RAB30: variants seen among roughly 807,000 people sequenced by gnomAD.
RAB30 encodes RAB30, member RAS oncogene family.
A neutral mutation model predicts 25.1 loss-of-function variants in RAB30; 9 were observed. The observed-to-expected ratio is 0.36, with a 90% CI of 0.22 to 0.63. The LOEUF (loss-of-function observed/expected upper bound fraction) is 0.63. Ranked by LOEUF, RAB30 falls within the 20% of genes least tolerant of loss-of-function variation. RAB30 has a pLI of 0.69. For synonymous variants in RAB30, 77 were observed against 86.4 expected, an observed-to-expected ratio of 0.89 and a Z score of 0.60; for missense variants, 140 against 243.5, an observed-to-expected ratio of 0.58 and a Z score of 2.83.
At chr11:83,014,632 GAAA>G (rs1159614855) in intron 1 of RAB30, among the ~76,000 whole-genome samples, 6 of 63,720 alleles carry the variant, frequency 9.4e-5, no homozygotes, top group Non-Finnish European at 1.6e-4. Context: ...AAAGAAGTAA[GAAA>G]AAGAAAGAAA....
At chr11:83,064,533 G>A (rs1262416740) in intron 1 of RAB30, among the ~76,000 whole-genome samples, 1 of 152,180 alleles carries the variant, frequency 6.6e-6, no homozygotes, top group Non-Finnish European at 1.5e-5. Context: ...CACACATAGA[G>A]TGCCAGCTGT....
chr11:82,978,795 C>A lies in RAB30; in HGVS notation c.*3370G>T, dbSNP rs1856590046. ...CTTTGCTAAATCTGGCGTCTCTGGCCAAATCTAAACGGCTTAAATAATCCT... is the reference window on the plus strand; with the variant it reads ...CTTTGCTAAATCTGGCGTCTCTGGCAAAATCTAAACGGCTTAAATAATCCT... On this transcript the variant is annotated 3_prime_UTR_variant, in exon 5 of 5. Coordinates refer to ENST00000527633, the MANE Select transcript of RAB30 (RefSeq NM_001286060.2). 6.6e-6 allele frequency: 1 copy of A among 152,152 alleles called. No homozygotes were observed. Among genetic ancestry groups the A allele is most frequent in the Non-Finnish European group, 1.5e-5 (1 of 68,034 alleles). The allele number at this position is 152,152 out of a possible 1,614,324, so 9.4% of individuals were successfully genotyped here. A position where few individuals can be genotyped will look rare whatever the true frequency, so the allele number is the denominator to read the frequency against.
At chr11:83,058,586 C>A (rs890812360) in intron 1 of RAB30, among the ~76,000 whole-genome samples, 2 of 152,250 alleles carry the variant, frequency 1.3e-5, no homozygotes, top group Non-Finnish European at 2.9e-5. Flanking sequence ...GAATGCCACA[C>A]GAGTGATACT....
intron 1 of RAB30, among the ~76,000 whole-genome samples, chr11:83,002,611 G>A (rs1424694371): frequency 6.6e-6 from 1 of 152,170 alleles, no homozygotes; most frequent in Non-Finnish European, 1.5e-5. Context: ...TGTAAGCAAT[G>A]TGAATTTGGC....
At chr11:83,003,635 G>T (rs971377077) in intron 1 of RAB30, among the ~76,000 whole-genome samples, 1 of 151,982 alleles carries the variant, frequency 6.6e-6, no homozygotes, top group African/African-American at 2.4e-5. Flanking sequence ...TGGTCAGACT[G>T]GTCTCAAACT....
chr11:83,053,372 G>A lies in RAB30; in HGVS notation c.-9+18319C>T, dbSNP rs143036682. Among the ~76,000 whole-genome samples, 1,024 of 152,256 alleles carry A rather than the reference G, an allele frequency of 6.7e-3. 4 individuals carry two copies. The highest frequency in any genetic ancestry group is 0.02 in the Middle Eastern group (6 of 294). ...CACAGCTGCTCAATTAATGGTTAGTGCCTAACTTTTGCCCCTCAACCTCCA... is the reference window on the plus strand; with the variant it reads ...CACAGCTGCTCAATTAATGGTTAGTACCTAACTTTTGCCCCTCAACCTCCA... On this transcript the variant is annotated intron_variant, in intron 1 of 4. Transcript: ENST00000527633.
intron 1 of RAB30, among the ~76,000 whole-genome samples, chr11:83,031,630 C>T (rs181660023): frequency 3.3e-5 from 5 of 151,576 alleles, no homozygotes; most frequent in East Asian, 3.9e-4. Flanking sequence ...CGGGTTCAAG[C>T]GATTCTCCTG....
At position 82,982,003 on chromosome 11, in the gene RAB30, G is replaced by T; in HGVS notation, c.*162C>A. 1.1e-6 allele frequency: 1 copy of T among 886,722 alleles called. No homozygotes were observed. The highest frequency in any genetic ancestry group is 1.7e-6 in the Non-Finnish European group (1 of 578,322). 54.9% of individuals were successfully genotyped at this position (886,722 alleles called of 1,614,324 possible). A position where few individuals can be genotyped will look rare whatever the true frequency, so the allele number is the denominator to read the frequency against. ...ACCATTATATGTTCTGCTAATGCTGGCCTGTGGTCGAGGCCCTTGGCCTGC... is the reference window on the plus strand; with the variant it reads ...ACCATTATATGTTCTGCTAATGCTGTCCTGTGGTCGAGGCCCTTGGCCTGC... On this transcript the variant is annotated 3_prime_UTR_variant, in exon 5 of 5. Coordinates refer to ENST00000527633, the MANE Select transcript of RAB30 (RefSeq NM_001286060.2).
intron 1 of RAB30, among the ~76,000 whole-genome samples, chr11:83,042,963 T>C (rs1473536047): frequency 1.3e-5 from 2 of 152,196 alleles, no homozygotes; most frequent in Non-Finnish European, 2.9e-5. Context: ...ACAGTTATAA[T>C]GATTAACATT....
At chr11:83,057,981 G>T (rs1479194642) in intron 1 of RAB30, among the ~76,000 whole-genome samples, 1 of 152,132 alleles carries the variant, frequency 6.6e-6, no homozygotes, top group Non-Finnish European at 1.5e-5. Flanking sequence ...ACCACGCTGA[G>T]ACCTGAGCCT....
Position 82,982,035 on chromosome 11 carries a change from T to G in RAB30, c.*130A>C. On this transcript the variant is annotated 3_prime_UTR_variant, in exon 5 of 5. Transcript: ENST00000527633. ...GTCGAGGCCCTTGGCCTGCCATGCT[T>G]TGTAAGCTCAGGAGCCCACAGGAGT... is the stretch of plus-strand genomic sequence containing the variant. 3 of 1,303,460 alleles carry G rather than the reference T, an allele frequency of 2.3e-6. No homozygotes were observed. Among genetic ancestry groups the G allele is most frequent in the Admixed American group, 4.2e-5 (2 of 47,432 alleles). 80.7% of individuals were successfully genotyped at this position (1,303,460 alleles called of 1,614,324 possible).
At chr11:83,023,280 C>T (rs933247992) in intron 1 of RAB30, among the ~76,000 whole-genome samples, 1 of 152,154 alleles carries the variant, frequency 6.6e-6, no homozygotes, top group African/African-American at 2.4e-5. Context: ...AATCTCATGT[C>T]ACAATCTCCC....
intron 3 of RAB30, among the ~76,000 whole-genome samples, chr11:82,992,696 T>C: frequency 2.0e-5 from 3 of 147,306 alleles, no homozygotes; most frequent in Non-Finnish European, 3.0e-5. Flanking sequence ...TTTCCATCCC[T>C]CCCCCAGCCT....
chr11:83,009,112 A>C (rs1323466914), intron 1 of RAB30, among the ~76,000 whole-genome samples: 1 of 149,934 alleles, frequency 6.7e-6, no homozygotes, highest in Non-Finnish European at 1.5e-5. Context: ...CTCATCACCC[A>C]GGCTGAAGTA....
chr11:83,029,973 G>A (rs1565282968), intron 1 of RAB30, among the ~76,000 whole-genome samples: 1 of 152,186 alleles, frequency 6.6e-6, no homozygotes, highest in Non-Finnish European at 1.5e-5. Flanking sequence ...TCTTACTTAA[G>A]TGGGAACTAA....
At chr11:83,014,010 T>A (rs1441131149) in intron 1 of RAB30, among the ~76,000 whole-genome samples, 1 of 152,194 alleles carries the variant, frequency 6.6e-6, no homozygotes, top group African/African-American at 2.4e-5. Context: ...GCATCTACTA[T>A]GTGCAAGTCA....
At chr11:83,055,065 G>A (rs1171509774) in intron 1 of RAB30, among the ~76,000 whole-genome samples, 2 of 152,124 alleles carry the variant, frequency 1.3e-5, no homozygotes, top group African/African-American at 4.8e-5. Flanking sequence ...GAAAAGTCTT[G>A]CTCCTGCCAC....
At chr11:83,027,812 C>T (rs184334868) in intron 1 of RAB30, among the ~76,000 whole-genome samples, 107 of 152,286 alleles carry the variant, frequency 7.0e-4, no homozygotes, top group African/African-American at 2.5e-3. Flanking sequence ...GCATTCCCCC[C>T]ACTCCCCAGC....
chr11:82,983,680 TGCCTCG>T (rs1222808115), intron 4 of RAB30, among the ~76,000 whole-genome samples: 3 of 152,022 alleles, frequency 2.0e-5, no homozygotes, highest in African/African-American at 7.3e-5. Context: ...GCGATCCACC[TGCCTCG>T]GCCTCCAGAA....
Sources: gnomAD v4.1 joint callset for allele counts (sites outside exome capture counted in the v4.1 genomes callset) on GRCh38, gnomAD v4.1.1 for gene constraint, MANE v1.5 for transcripts, NCBI Gene and HGNC (gene_info 2026-07-23, HGNC 2026-07-21) for gene names.